Variants in UGT1A8 observed in about 807,000 individuals in gnomAD.
The protein encoded by UGT1A8 is UDP glucuronosyltransferase family 1 member A8.
In UGT1A8, 39 loss-of-function variants were observed where a neutral mutation model predicts 45.3. The ratio of observed to expected loss-of-function variants is 0.86; its 90% CI spans 0.67 to 1.12. UGT1A8 has a LOEUF of 1.12. Among genes scored for constraint, UGT1A8 ranks in the 50% most tolerant of loss-of-function variants. The pLI, the probability that UGT1A8 is intolerant of heterozygous loss-of-function variation, is 0.00. For missense variants in UGT1A8, 719 were observed against 664.9 expected (o/e 1.08, Z -0.90); for synonymous variants, 275 against 249.2 (o/e 1.10, Z -0.97).
intron 1 of UGT1A8, chr2:233,690,992 C>T: frequency 2.0e-6 from 2 of 994,606 alleles, no homozygotes; most frequent in Non-Finnish European, 2.4e-6. Flanking sequence ...ATATGAGCAA[C>T]AGGATTTTCA....
intron 1 of UGT1A8, chr2:233,719,562 C>T (rs1164668665): frequency 6.2e-7 from 1 of 1,613,782 alleles, no homozygotes; most frequent in African/African-American, 1.3e-5. Context: ...AGTGGTGGAT[C>T]TTGTCAGCTA....
intron 1 of UGT1A8, among the ~76,000 whole-genome samples, chr2:233,658,060 C>T (rs1453141498): frequency 6.6e-6 from 1 of 150,780 alleles, no homozygotes. Context: ...ACTCTGTCAC[C>T]CAGGCTGGAG....
intron 1 of UGT1A8, among the ~76,000 whole-genome samples, chr2:233,686,641 T>A (rs1181481627): frequency 6.6e-6 from 1 of 152,126 alleles, no homozygotes; most frequent in African/African-American, 2.4e-5. Flanking sequence ...TAATGTGATA[T>A]CAAACATGAT....
At chr2:233,751,830 G>A (rs571499151) in intron 1 of UGT1A8, among the ~76,000 whole-genome samples, 82 of 152,290 alleles carry the variant, frequency 5.4e-4, no homozygotes, top group Non-Finnish European at 9.3e-4. Flanking sequence ...CCAGCCATGT[G>A]GAACTGAGTC....
intron 1 of UGT1A8, among the ~76,000 whole-genome samples, chr2:233,632,110 G>C (rs1208024205): frequency 6.6e-6 from 1 of 152,098 alleles, no homozygotes; most frequent in Non-Finnish European, 1.5e-5. Context: ...CCCATTTCTT[G>C]TTTTTGTCAG....
chr2:233,691,765 G>A (rs1355793466), intron 1 of UGT1A8: 1 of 421,572 alleles, frequency 2.4e-6, no homozygotes, highest in Non-Finnish European at 3.2e-6. Flanking sequence ...TCCTGCTCTA[G>A]GATTCTCACC....
chr2:233,637,024 T>C (rs749620456), intron 1 of UGT1A8: 1 of 1,614,084 alleles, frequency 6.2e-7, no homozygotes, highest in South Asian at 1.1e-5. Flanking sequence ...CTCTGTGGTC[T>C]TCACCAGGGG....
Position 233,692,705 on chromosome 2 carries a change from A to G in UGT1A8, c.855+74143A>G, listed in dbSNP as rs557358228. On this transcript the variant is annotated intron_variant, in intron 1 of 4. Coordinates refer to ENST00000373450, the MANE Select transcript of UGT1A8 (RefSeq NM_019076.5). ...GGGTCCTCAGGGGTCTCTCCAAGTCATCTTCAAAGTGTTGCTATAACTTTT... is the reference window on the plus strand; with the variant it reads ...GGGTCCTCAGGGGTCTCTCCAAGTCGTCTTCAAAGTGTTGCTATAACTTTT... 462 of 440,436 alleles carry G rather than the reference A, an allele frequency of 1.0e-3. 2 individuals are homozygous for G. Among genetic ancestry groups the G allele is most frequent in the African/African-American group, 9.4e-3 (438 of 46,776 alleles). 27.3% of individuals were successfully genotyped at this position (440,436 alleles called of 1,614,324 possible).
chr2:233,719,820 C>G, intron 1 of UGT1A8: 1 of 1,571,826 alleles, frequency 6.4e-7, no homozygotes, highest in Non-Finnish European at 8.6e-7. Context: ...AACAGATAAA[C>G]TGTTGAGGGG....
At chr2:233,729,071 A>G in intron 1 of UGT1A8, 1 of 1,611,650 alleles carries the variant, frequency 6.2e-7, no homozygotes, top group Non-Finnish European at 8.5e-7. Flanking sequence ...TGAAGAAAGC[A>G]AATGTAGCAG....
At chr2:233,626,185 A>G (rs904568463) in intron 1 of UGT1A8, among the ~76,000 whole-genome samples, 1 of 152,102 alleles carries the variant, frequency 6.6e-6, no homozygotes, top group African/African-American at 2.4e-5. Flanking sequence ...TTTATACAGT[A>G]CTAATCCTTC....
chr2:233,767,054 T>C lies in UGT1A8; in HGVS notation c.876T>C (p.Asn292=), dbSNP rs1164851963. ...PLPMEFEAYI[N]ASGEHGIVVF... ...TCTAGGAATTTGAAGCCTACATTAA[T>C]GCTTCTGGAGAACATGGAATTGTGG... is the stretch of plus-strand genomic sequence containing the variant. The change falls in exon 2 of 5, where the codon AAT becomes AAC. Residue 292 remains asparagine, a synonymous_variant. Coordinates refer to ENST00000373450, the MANE Select transcript of UGT1A8 (RefSeq NM_019076.5). The C allele has an allele frequency of 2.5e-6, 4 of 1,614,114 alleles. No homozygotes were observed. Among genetic ancestry groups the C allele is most frequent in the Non-Finnish European group, 2.5e-6 (3 of 1,179,982 alleles).
rs189902631 is a variant in UGT1A8, at chr2:233,721,408, A to T, written c.856-45626A>T. ...CATTTTTCTAGCTATGTGACCTAGG[A>T]CAGGTACCCTAAGCATTGTGGTTTT... is the stretch of plus-strand genomic sequence containing the variant. On this transcript the variant is annotated intron_variant, in intron 1 of 4. Coordinates refer to ENST00000373450, the MANE Select transcript of UGT1A8 (RefSeq NM_019076.5). 676 of 155,018 alleles carry T rather than the reference A, an allele frequency of 4.4e-3. 10 individuals are homozygous for T. The highest frequency in any genetic ancestry group is 0.015 in the African/African-American group (639 of 41,588). 9.6% of individuals were successfully genotyped at this position (155,018 alleles called of 1,614,324 possible).
At chr2:233,723,956 C>G (rs1367171435) in intron 1 of UGT1A8, among the ~76,000 whole-genome samples, 1 of 55,390 alleles carries the variant, frequency 1.8e-5, no homozygotes, top group Non-Finnish European at 3.1e-5. Flanking sequence ...GGCAACCATC[C>G]GATTTCTCAA....
intron 1 of UGT1A8, among the ~76,000 whole-genome samples, chr2:233,661,622 A>ATTTTCTTTCTTTCTT (rs71058570): frequency 1.5e-5 from 1 of 68,474 alleles, no homozygotes; most frequent in Non-Finnish European, 3.2e-5. Context: ...GACTTACTGA[A>ATTTTCTTTCTTTCTT]TTTTCTTTCT....
At chr2:233,715,572 G>C (rs1398174608) in intron 1 of UGT1A8, among the ~76,000 whole-genome samples, 1 of 152,076 alleles carries the variant, frequency 6.6e-6, no homozygotes, top group African/African-American at 2.4e-5. Context: ...AGGAGTCTGA[G>C]AGCAGCCTGG....
intron 1 of UGT1A8, chr2:233,637,031 G>A (rs748676624): frequency 1.7e-5 from 28 of 1,613,870 alleles, no homozygotes; most frequent in Non-Finnish European, 1.8e-5. Context: ...GTCTTCACCA[G>A]GGGAATATTT....
intron 1 of UGT1A8, among the ~76,000 whole-genome samples, chr2:233,619,349 G>C (rs1204785809): frequency 6.6e-6 from 1 of 152,054 alleles, no homozygotes; most frequent in African/African-American, 2.4e-5. Flanking sequence ...ATTGATATAT[G>C]TTTAGGCATT....
intron 1 of UGT1A8, chr2:233,747,281 A>C: frequency 6.3e-7 from 1 of 1,599,850 alleles, no homozygotes; most frequent in Non-Finnish European, 8.5e-7. Context: ...CTCAGTGCCC[A>C]GCCCTGGGCT....
Sources: gnomAD v4.1 joint callset for allele counts (sites outside exome capture counted in the v4.1 genomes callset) on GRCh38, gnomAD v4.1.1 for gene constraint, MANE v1.5 for transcripts, NCBI Gene and HGNC (gene_info 2026-07-23, HGNC 2026-07-21) for gene names.